Variants in BMPR2 observed in about 807,000 individuals in gnomAD.
BMPR2 encodes the protein bone morphogenetic protein receptor type-2.
Under a neutral mutation model 100.8 loss-of-function variants are expected in BMPR2, and 29 were observed. The ratio of observed to expected loss-of-function variants is 0.29; its 90% CI spans 0.21 to 0.39. BMPR2 has a LOEUF of 0.39. Among genes scored for constraint, BMPR2 ranks in the 10% least tolerant of loss-of-function variants. The probability of loss-of-function intolerance (pLI) is 1.00; values close to 1 mark genes in which losing one functional copy is unlikely to be tolerated. For synonymous variants in BMPR2, 382 were observed against 442.3 expected (o/e 0.86, Z 1.71); for missense variants, 1,011 against 1,274.5 (o/e 0.79, Z 3.15).
At chr2:202,418,038 C>G (rs1199690011) in intron 1 of BMPR2, among the ~76,000 whole-genome samples, 1 of 151,862 alleles carries the variant, frequency 6.6e-6, no homozygotes, top group Non-Finnish European at 1.5e-5. Context: ...TTTTTTAGAC[C>G]TAATGCCATT....
intron 1 of BMPR2, among the ~76,000 whole-genome samples, chr2:202,385,304 C>T (rs1205816073): frequency 1.3e-5 from 2 of 148,488 alleles, no homozygotes; most frequent in Non-Finnish European, 3.0e-5. Flanking sequence ...TATTAATCTT[C>T]ACACAACCCT....
intron 1 of BMPR2, among the ~76,000 whole-genome samples, chr2:202,460,525 C>T (rs184380268): frequency 1.1e-4 from 17 of 151,932 alleles, no homozygotes; most frequent in Admixed American, 9.2e-4. Flanking sequence ...ACTAAAAATT[C>T]AATAGAAAAA....
At chr2:202,428,166 A>G (rs1691429921) in intron 1 of BMPR2, among the ~76,000 whole-genome samples, 1 of 152,194 alleles carries the variant, frequency 6.6e-6, no homozygotes, top group Admixed American at 6.5e-5. Flanking sequence ...ATAGGACAGA[A>G]TATAATATTC....
chr2:202,406,232 A>G (rs1690888068), intron 1 of BMPR2, among the ~76,000 whole-genome samples: 1 of 152,244 alleles, frequency 6.6e-6, no homozygotes, highest in South Asian at 2.1e-4. Flanking sequence ...GGGTTCCTTC[A>G]TTGTTAGTTT....
At chr2:202,390,545 T>A (rs1021582343) in intron 1 of BMPR2, among the ~76,000 whole-genome samples, 1 of 152,132 alleles carries the variant, frequency 6.6e-6, no homozygotes, top group Non-Finnish European at 1.5e-5. Context: ...TTGGCTGGGC[T>A]GGTCTCGAAC....
chr2:202,492,711 AAAAAAAAAAAAACC>A (rs1559054741), intron 3 of BMPR2, among the ~76,000 whole-genome samples: 4 of 149,858 alleles, frequency 2.7e-5, no homozygotes, highest in African/African-American at 4.9e-5. Flanking sequence ...AAAAAAAAAA[AAAAAAAAAAAAACC>A]AAAAAAAAAA....
intron 1 of BMPR2, among the ~76,000 whole-genome samples, chr2:202,432,052 T>C (rs1305147712): frequency 6.6e-6 from 1 of 150,584 alleles, no homozygotes; most frequent in Admixed American, 6.6e-5. Flanking sequence ...TACAAATGTG[T>C]GTTTGGGGTT....
At chr2:202,436,202 C>G (rs1691610815) in intron 1 of BMPR2, among the ~76,000 whole-genome samples, 1 of 150,642 alleles carries the variant, frequency 6.6e-6, no homozygotes, top group Non-Finnish European at 1.5e-5. Flanking sequence ...GCCTATAATC[C>G]CAGCACTTTG....
rs1232211080 is a variant in BMPR2, at chr2:202,416,748, C to T, written c.76+39198C>T. On this transcript the variant is annotated intron_variant, in intron 1 of 12. Transcript: ENST00000374580. The stretch of plus-strand genomic sequence containing the variant: ...TTAAAAGTTGCTTCTTATGGATGAG[C>T]AAAGAAAGTTGTTTCTTGAGGTGGA... Among the ~76,000 whole-genome samples, 38 of 151,952 alleles carry T rather than the reference C, an allele frequency of 2.5e-4. 1 individual carries two copies. The highest frequency in any genetic ancestry group is 2.9e-5 in the Non-Finnish European group (2 of 67,982).
chr2:202,450,157 G>A (rs947861575), intron 1 of BMPR2, among the ~76,000 whole-genome samples: 1 of 152,102 alleles, frequency 6.6e-6, no homozygotes, highest in African/African-American at 2.4e-5. Context: ...ATAGCCTTGA[G>A]TACGACTTTG....
chr2:202,398,522 G>A (rs1690698358), intron 1 of BMPR2, among the ~76,000 whole-genome samples: 1 of 152,210 alleles, frequency 6.6e-6, no homozygotes, highest in South Asian at 2.1e-4. Context: ...CTTTTCTGCA[G>A]GGAAGCAGTT....
chr2:202,436,803 A>C (rs181258004), intron 1 of BMPR2, among the ~76,000 whole-genome samples: 2 of 150,828 alleles, frequency 1.3e-5, no homozygotes, highest in Admixed American at 1.3e-4. Context: ...AAATAACCTC[A>C]GCCCGAATTG....
chr2:202,380,745 G>C (rs554851929), intron 1 of BMPR2, among the ~76,000 whole-genome samples: 7 of 149,432 alleles, frequency 4.7e-5, no homozygotes, highest in East Asian at 2.0e-4. Flanking sequence ...TCAGCCTCTC[G>C]GGTAGCTGGG....
chr2:202,508,215 C>T (rs1053488412), intron 3 of BMPR2, among the ~76,000 whole-genome samples: 1 of 151,668 alleles, frequency 6.6e-6, no homozygotes, highest in Non-Finnish European at 1.5e-5. Flanking sequence ...GCCTCAGCCT[C>T]CTGAATAGCT....
intron 10 of BMPR2, among the ~76,000 whole-genome samples, chr2:202,545,166 T>C (rs765786020): frequency 1.9e-3 from 39 of 20,076 alleles, no homozygotes; most frequent in Non-Finnish European, 3.6e-3. Context: ...TTTTTTCTTA[T>C]ATTTTCCATT....
At chr2:202,435,644 C>T (rs779203990) in intron 1 of BMPR2, among the ~76,000 whole-genome samples, 2 of 149,594 alleles carry the variant, frequency 1.3e-5, no homozygotes, top group African/African-American at 2.6e-5. Context: ...ATTCACTTAC[C>T]GCTCACACAC....
At chr2:202,473,196 C>T (rs902315076) in intron 3 of BMPR2, among the ~76,000 whole-genome samples, 4 of 152,044 alleles carry the variant, frequency 2.6e-5, no homozygotes, top group African/African-American at 7.2e-5. Context: ...TGCCTGTAAT[C>T]CCAGCACTTT....
intron 1 of BMPR2, among the ~76,000 whole-genome samples, chr2:202,434,143 C>G (rs1345069026): frequency 6.6e-6 from 1 of 150,514 alleles, no homozygotes; most frequent in Admixed American, 6.6e-5. Flanking sequence ...GGGCCAAAAC[C>G]ATTGCACCCA....
At chr2:202,534,928 G>T (rs1337010355) in intron 9 of BMPR2, among the ~76,000 whole-genome samples, 1 of 136,068 alleles carries the variant, frequency 7.3e-6, no homozygotes, top group Non-Finnish European at 1.6e-5. Context: ...CCTCCCGGAC[G>T]GGGCGGCTGG....
Sources: allele counts gnomAD v4.1 joint callset (sites outside exome capture counted in the v4.1 genomes callset), GRCh38; gene constraint gnomAD v4.1.1; transcripts MANE v1.5; gene names NCBI Gene and HGNC (gene_info 2026-07-23, HGNC 2026-07-21).